Variants in APBB2 observed in about 807,000 individuals in gnomAD.
The protein encoded by APBB2 is Fe65-like 1.
A neutral mutation model predicts 82.5 loss-of-function variants in APBB2; 38 were observed. The observed-to-expected ratio is 0.46, with a 90% CI of 0.36 to 0.60. The LOEUF is 0.60. APBB2 is among the 20% of genes least tolerant of loss of function. APBB2 has a pLI of 0.00. For synonymous variants in APBB2, 341 were observed against 368.2 expected (o/e 0.93, Z 0.85); for missense variants, 772 against 972.3 (o/e 0.79, Z 2.74).
At chr4:40,923,378 A>G (rs1223777055) in intron 10 of APBB2, among the ~76,000 whole-genome samples, 1 of 152,238 alleles carries the variant, frequency 6.6e-6, no homozygotes, top group Non-Finnish European at 1.5e-5. Flanking sequence ...GCCTGAGAGA[A>G]CAAGTTCTGA....
At chr4:41,183,697 C>A (rs908222084) in intron 1 of APBB2, among the ~76,000 whole-genome samples, 1 of 151,686 alleles carries the variant, frequency 6.6e-6, no homozygotes, top group Non-Finnish European at 1.5e-5. Context: ...CCAACTCTAC[C>A]AATAACCTGA....
chr4:40,977,299 T>C (rs1296786241), intron 6 of APBB2, among the ~76,000 whole-genome samples: 4 of 150,272 alleles, frequency 2.7e-5, no homozygotes, highest in Non-Finnish European at 5.9e-5. Flanking sequence ...AACCATACTG[T>C]AATGAATTCA....
chr4:41,055,320 A>G (rs1727449664), intron 4 of APBB2, among the ~76,000 whole-genome samples: 1 of 152,098 alleles, frequency 6.6e-6, no homozygotes, highest in South Asian at 2.1e-4. Context: ...TATCTCCTCT[A>G]CTGGAAGGCT....
At chr4:40,867,140 T>C (rs1262510436) in intron 12 of APBB2, among the ~76,000 whole-genome samples, 1 of 152,228 alleles carries the variant, frequency 6.6e-6, no homozygotes, top group East Asian at 1.9e-4. Context: ...AACACAGCCA[T>C]GCACATTCAT....
chr4:41,048,211 T>C (rs1349207994), intron 4 of APBB2, among the ~76,000 whole-genome samples: 1 of 152,202 alleles, frequency 6.6e-6, no homozygotes, highest in Non-Finnish European at 1.5e-5. Context: ...CCTTTGAGAA[T>C]CATGTCAGTG....
chr4:41,160,001 A>AGAAGAAGAAGAC (rs1764651699), intron 1 of APBB2, among the ~76,000 whole-genome samples: 1 of 149,926 alleles, frequency 6.7e-6, no homozygotes, highest in African/African-American at 2.5e-5. Context: ...AAGAAGAAGA[A>AGAAGAAGAAGAC]GAAGAAGAAG....
At chr4:41,180,362 T>C (rs1770986499) in intron 1 of APBB2, among the ~76,000 whole-genome samples, 1 of 152,020 alleles carries the variant, frequency 6.6e-6, no homozygotes, top group African/African-American at 2.4e-5. Flanking sequence ...CCCAGCCCCA[T>C]GGGAGGGGGA....
At chr4:40,886,212 C>A (rs560866353) in intron 12 of APBB2, among the ~76,000 whole-genome samples, 100 of 152,336 alleles carry the variant, frequency 6.6e-4, no homozygotes, top group Admixed American at 1.7e-3. Flanking sequence ...GGCGCAGTGG[C>A]CCACGCCTGT....
intron 6 of APBB2, among the ~76,000 whole-genome samples, chr4:40,955,591 A>T (rs1358759319): frequency 6.6e-6 from 1 of 152,162 alleles, no homozygotes; most frequent in Non-Finnish European, 1.5e-5. Flanking sequence ...TTAACGCTTC[A>T]ATCCAAACTA....
intron 12 of APBB2, chr4:40,881,261 C>T: frequency 1.0e-6 from 1 of 984,942 alleles, no homozygotes; most frequent in Non-Finnish European, 1.2e-6. Context: ...AGACTTTTCT[C>T]CCTGAGGCAA....
intron 4 of APBB2, among the ~76,000 whole-genome samples, chr4:41,055,714 T>G (rs1393769866): frequency 1.3e-5 from 2 of 152,202 alleles, no homozygotes; most frequent in African/African-American, 4.8e-5. Flanking sequence ...GGTTCAAATC[T>G]CAGCTCCACC....
At chr4:40,995,503 C>A (rs1803379790) in intron 6 of APBB2, among the ~76,000 whole-genome samples, 1 of 150,926 alleles carries the variant, frequency 6.6e-6, no homozygotes, top group African/African-American at 2.4e-5. Context: ...TAGCTGGGAC[C>A]ACAGGTATGT....
chr4:40,981,359 C>T (rs924489993), intron 6 of APBB2, among the ~76,000 whole-genome samples: 2 of 149,758 alleles, frequency 1.3e-5, no homozygotes, highest in African/African-American at 2.4e-5. Context: ...TCTGGCCTGG[C>T]GACAGAGTGA....
intron 6 of APBB2, among the ~76,000 whole-genome samples, chr4:41,012,422 G>C (rs1468437893): frequency 6.6e-6 from 1 of 152,100 alleles, no homozygotes; most frequent in African/African-American, 2.4e-5. Context: ...GGACATTACT[G>C]AACATAATTA....
At chr4:40,926,364 T>A (rs192572694) in intron 10 of APBB2, among the ~76,000 whole-genome samples, 1 of 151,690 alleles carries the variant, frequency 6.6e-6, no homozygotes, top group Non-Finnish European at 1.5e-5. Flanking sequence ...TGAGAAGGAG[T>A]CTGTCCTCAA....
chr4:40,964,843 G>A (rs1009026550), intron 6 of APBB2, among the ~76,000 whole-genome samples: 9 of 150,882 alleles, frequency 6.0e-5, no homozygotes, highest in South Asian at 2.1e-4. Context: ...AATAGTAGCC[G>A]GTAGTGGTGG....
At chr4:40,909,619 A>T (rs1778007593) in intron 10 of APBB2, among the ~76,000 whole-genome samples, 1 of 152,222 alleles carries the variant, frequency 6.6e-6, no homozygotes, top group Non-Finnish European at 1.5e-5. Flanking sequence ...TTCAACCGAG[A>T]GACGTAGCAC....
chr4:40,998,196 T>C (rs75595212), intron 6 of APBB2, among the ~76,000 whole-genome samples: 2 of 152,350 alleles, frequency 1.3e-5, no homozygotes, highest in African/African-American at 2.4e-5. Context: ...TTCCCAATAA[T>C]GGAAGACTTT....
intron 3 of APBB2, among the ~76,000 whole-genome samples, chr4:41,099,462 C>T (rs1326277731): frequency 6.6e-6 from 1 of 152,144 alleles, no homozygotes; most frequent in African/African-American, 2.4e-5. Flanking sequence ...AATTCCCAAC[C>T]TCAGGTGATC....
Sources: allele counts gnomAD v4.1 joint callset (sites outside exome capture counted in the v4.1 genomes callset), GRCh38; gene constraint gnomAD v4.1.1; transcripts MANE v1.5; gene names NCBI Gene and HGNC (gene_info 2026-07-23, HGNC 2026-07-21).